PTPRK: variants seen among roughly 807,000 people sequenced by gnomAD.
PTPRK encodes the protein receptor-type tyrosine-protein phosphatase kappa.
Under a neutral mutation model 178.0 loss-of-function variants are expected in PTPRK, and 75 were observed. That is an observed-to-expected ratio of 0.42 (90% CI 0.35 to 0.51). PTPRK has a LOEUF of 0.51. PTPRK is among the 20% of genes least tolerant of loss of function. PTPRK has a pLI of 0.02. For synonymous variants in PTPRK, 637 were observed against 620.6 expected (o/e 1.03, Z -0.39); for missense variants, 1,441 against 1,797.8 (o/e 0.80, Z 3.59).
At chr6:128,466,770 A>G (rs534910707) in intron 1 of PTPRK, among the ~76,000 whole-genome samples, 1 of 152,228 alleles carries the variant, frequency 6.6e-6, no homozygotes, top group Non-Finnish European at 1.5e-5. Flanking sequence ...GTATGCTTCA[A>G]AGAAATGCAC....
chr6:128,455,440 A>T (rs1848275313), intron 1 of PTPRK, among the ~76,000 whole-genome samples: 1 of 152,160 alleles, frequency 6.6e-6, no homozygotes, highest in African/African-American at 2.4e-5. Flanking sequence ...AGATATGCTC[A>T]AATTTGGAAA....
intron 3 of PTPRK, among the ~76,000 whole-genome samples, chr6:128,289,151 G>A (rs1822977454): frequency 6.6e-6 from 1 of 152,052 alleles, no homozygotes; most frequent in African/African-American, 2.4e-5. Context: ...CATCATTTCT[G>A]AGTGGTAGGG....
At position 128,248,430 on chromosome 6, in the gene PTPRK, T is replaced by C. The variant is rs191864116; in HGVS notation, c.496-5828A>G. Among the ~76,000 whole-genome samples, 301 of 152,178 alleles carry C rather than the reference T, an allele frequency of 2.0e-3. 1 individual carries two copies. Among genetic ancestry groups the C allele is most frequent in the Middle Eastern group, 0.01 (3 of 294 alleles). ...CCCTATACTTTCAACTCTGATAAGA[T>C]TGAGGAAGATGAGGCTACAATGAGG... On this transcript the variant is annotated intron_variant, in intron 3 of 29. Coordinates refer to ENST00000368226, the MANE Select transcript of PTPRK (RefSeq NM_002844.4).
chr6:128,004,971 G>C, intron 15 of PTPRK, 113 bp downstream of exon 15: 1 of 847,666 alleles, frequency 1.2e-6, no homozygotes, highest in Non-Finnish European at 1.8e-6. Context: ...CTTCTTTCTA[G>C]CTGCTTCTCC....
intron 1 of PTPRK, among the ~76,000 whole-genome samples, chr6:128,478,292 T>C (rs1338135805): frequency 1.3e-5 from 2 of 152,138 alleles, no homozygotes; most frequent in Non-Finnish European, 2.9e-5. Context: ...CCTTCCTTTT[T>C]TGCCTTCTCA....
intron 1 of PTPRK, among the ~76,000 whole-genome samples, chr6:128,400,633 G>A (rs1840895924): frequency 6.6e-6 from 1 of 152,110 alleles, no homozygotes; most frequent in South Asian, 2.1e-4. Flanking sequence ...CCTTGTAACA[G>A]AGAGCGCATA....
At chr6:128,052,385 T>C (rs1481111835) in intron 13 of PTPRK, among the ~76,000 whole-genome samples, 1 of 152,234 alleles carries the variant, frequency 6.6e-6, no homozygotes, top group Non-Finnish European at 1.5e-5. Flanking sequence ...TGTATCTAAA[T>C]GATCTAATTA....
At chr6:128,428,858 T>C (rs1170594792) in intron 1 of PTPRK, among the ~76,000 whole-genome samples, 1 of 152,210 alleles carries the variant, frequency 6.6e-6, no homozygotes, top group East Asian at 1.9e-4. Context: ...ATTCAATACA[T>C]TGCATGAGAT....
intron 7 of PTPRK, among the ~76,000 whole-genome samples, chr6:128,092,637 C>T (rs983983439): frequency 6.6e-6 from 1 of 152,144 alleles, no homozygotes; most frequent in African/African-American, 2.4e-5. Context: ...GAATACTATT[C>T]ACTTAGACAT....
chr6:128,510,636 T>C (rs1352974705), intron 1 of PTPRK, among the ~76,000 whole-genome samples: 1 of 152,200 alleles, frequency 6.6e-6, no homozygotes, highest in African/African-American at 2.4e-5. Context: ...TATACATGCA[T>C]ACATGTATAA....
At chr6:128,100,809 A>G (rs1210127472) in intron 7 of PTPRK, among the ~76,000 whole-genome samples, 1 of 152,010 alleles carries the variant, frequency 6.6e-6, no homozygotes, top group African/African-American at 2.4e-5. Flanking sequence ...GCCAGTCTAC[A>G]GGGTTAGTCA....
chr6:128,463,740 GGTTTTT>G (rs1562573628), intron 1 of PTPRK, among the ~76,000 whole-genome samples: 12 of 135,836 alleles, frequency 8.8e-5, no homozygotes, highest in Non-Finnish European at 1.5e-4. Context: ...CAATCTTCAC[GGTTTTT>G]TTTTTTTTTT....
At chr6:128,127,787 A>ACTC (rs1218202956) in intron 7 of PTPRK, among the ~76,000 whole-genome samples, 1 of 152,212 alleles carries the variant, frequency 6.6e-6, no homozygotes, top group African/African-American at 2.4e-5. Context: ...TGATTGGTGT[A>ACTC]CTCCATCTAA....
chr6:128,407,122 A>T (rs887082225), intron 1 of PTPRK, among the ~76,000 whole-genome samples: 1 of 152,206 alleles, frequency 6.6e-6, no homozygotes, highest in African/African-American at 2.4e-5. Flanking sequence ...ATCCTATGAT[A>T]TTAGAAGCTA....
chr6:128,092,302 A>G (rs1787121110), intron 7 of PTPRK, among the ~76,000 whole-genome samples: 1 of 152,162 alleles, frequency 6.6e-6, no homozygotes, highest in Non-Finnish European at 1.5e-5. Context: ...AGTGACTTAG[A>G]CATAATTTTG....
At chr6:128,487,121 T>G (rs1193761291) in intron 1 of PTPRK, among the ~76,000 whole-genome samples, 1 of 145,436 alleles carries the variant, frequency 6.9e-6, no homozygotes, top group South Asian at 2.7e-4. Context: ...TTCTACTGTT[T>G]GTTTCACATG....
chr6:128,105,430 G>C (rs1298297765), intron 7 of PTPRK, among the ~76,000 whole-genome samples: 3 of 152,152 alleles, frequency 2.0e-5, no homozygotes, highest in African/African-American at 7.2e-5. Flanking sequence ...ACCGCACCCG[G>C]CCTTACCTCA....
chr6:128,435,122 CAGGA>C (rs1160320441), intron 1 of PTPRK, among the ~76,000 whole-genome samples: 20 of 101,918 alleles, frequency 2.0e-4, no homozygotes, highest in South Asian at 5.5e-4. Flanking sequence ...GGAAGGCAGG[CAGGA>C]AGGCAGGCAG....
chr6:128,311,950 A>G (rs1827297922), intron 3 of PTPRK, among the ~76,000 whole-genome samples: 1 of 152,230 alleles, frequency 6.6e-6, no homozygotes, highest in Non-Finnish European at 1.5e-5. Flanking sequence ...TTATTTGATC[A>G]TAGTTTAGAC....
Sources: allele counts gnomAD v4.1 joint callset (sites outside exome capture counted in the v4.1 genomes callset), GRCh38; gene constraint gnomAD v4.1.1; transcripts MANE v1.5; gene names NCBI Gene and HGNC (gene_info 2026-07-23, HGNC 2026-07-21).